The following DAB1 variants were observed in gnomAD, a reference collection of about 807,000 sequenced individuals.
The protein encoded by DAB1 is DAB adaptor protein 1.
A neutral mutation model predicts 64.6 loss-of-function variants in DAB1; 15 were observed. The observed-to-expected ratio is 0.23, with a 90% CI of 0.16 to 0.36. The LOEUF is 0.36. Among genes scored for constraint, DAB1 ranks in the 10% least tolerant of loss-of-function variants. The pLI, the probability that DAB1 is intolerant of heterozygous loss-of-function variation, is 1.00. For synonymous variants in DAB1, 235 were observed against 251.9 expected (o/e 0.93, Z 0.64); for missense variants, 596 against 706.7 (o/e 0.84, Z 1.78).
chr1:57,696,186 A>G (rs1284661733), intron 6 of DAB1, among the ~76,000 whole-genome samples: 1 of 152,144 alleles, frequency 6.6e-6, no homozygotes, highest in African/African-American at 2.4e-5. Context: ...TCTTGAGGTC[A>G]GAGACCTTAT....
At chr1:57,319,340 C>G (rs907265312) in intron 1 of DAB1, among the ~76,000 whole-genome samples, 1 of 152,088 alleles carries the variant, frequency 6.6e-6, no homozygotes, top group Non-Finnish European at 1.5e-5. Context: ...GGGTCAGAGT[C>G]AGCAGCTGCA....
At chr1:57,017,139 C>T (rs921217031) in intron 11 of DAB1, among the ~76,000 whole-genome samples, 1 of 152,126 alleles carries the variant, frequency 6.6e-6, no homozygotes, top group Non-Finnish European at 1.5e-5. Context: ...GCAGGAAACT[C>T]CCATGTGCTT....
At chr1:57,656,506 G>T (rs1025053833) in intron 6 of DAB1, among the ~76,000 whole-genome samples, 5 of 152,182 alleles carry the variant, frequency 3.3e-5, no homozygotes, top group Non-Finnish European at 4.4e-5. Context: ...ACATGACATA[G>T]GTCTTGGACC....
intron 7 of DAB1, among the ~76,000 whole-genome samples, chr1:57,445,115 T>C (rs904652969): frequency 6.6e-6 from 1 of 152,184 alleles, no homozygotes; most frequent in Non-Finnish European, 1.5e-5. Context: ...AAAAATGTTA[T>C]GGGTATAAAA....
At chr1:58,173,724 C>A (rs990195937) in intron 4 of DAB1, among the ~76,000 whole-genome samples, 3 of 152,104 alleles carry the variant, frequency 2.0e-5, no homozygotes, top group African/African-American at 7.2e-5. Flanking sequence ...TCTATGCAGC[C>A]GAAGTATATT....
intron 7 of DAB1, among the ~76,000 whole-genome samples, chr1:57,595,554 G>C (rs1327234599): frequency 6.6e-6 from 1 of 152,062 alleles, no homozygotes; most frequent in Non-Finnish European, 1.5e-5. Flanking sequence ...TGAGCAAGTG[G>C]CTGTCCTAAG....
intron 5 of DAB1, among the ~76,000 whole-genome samples, chr1:58,046,132 T>C (rs975935910): frequency 6.6e-5 from 10 of 152,212 alleles, no homozygotes; most frequent in African/African-American, 2.2e-4. Context: ...CCATGATATA[T>C]GTAAAGTCCT....
intron 1 of DAB1, among the ~76,000 whole-genome samples, chr1:57,338,478 T>C (rs757949925): frequency 1.4e-4 from 21 of 152,208 alleles, no homozygotes; most frequent in Non-Finnish European, 1.9e-4. Flanking sequence ...CATTTGTCCT[T>C]CTTTTGCAGT....
At chr1:57,952,562 G>T (rs1426840807) in intron 5 of DAB1, among the ~76,000 whole-genome samples, 1 of 152,146 alleles carries the variant, frequency 6.6e-6, no homozygotes, top group Non-Finnish European at 1.5e-5. Context: ...GGGTATTTGA[G>T]AGTAATAGGT....
intron 4 of DAB1, among the ~76,000 whole-genome samples, chr1:57,106,119 C>A (rs1655113890): frequency 6.6e-6 from 1 of 152,206 alleles, no homozygotes. Context: ...TAGTTTCTCT[C>A]CCTTTCTCTT....
intron 7 of DAB1, among the ~76,000 whole-genome samples, chr1:57,601,873 A>G (rs980419719): frequency 1.3e-5 from 2 of 152,184 alleles, no homozygotes; most frequent in Non-Finnish European, 2.9e-5. Flanking sequence ...GGGTTTAAAA[A>G]GAGAAAAGAA....
chr1:57,849,604 T>C (rs1653432664), intron 1 of DAB1, among the ~76,000 whole-genome samples: 1 of 152,176 alleles, frequency 6.6e-6, no homozygotes, highest in South Asian at 2.1e-4. Context: ...TGATCCTCTC[T>C]AGGGACAGGG....
intron 4 of DAB1, among the ~76,000 whole-genome samples, chr1:58,156,795 G>A (rs1171261632): frequency 6.6e-6 from 1 of 152,198 alleles, no homozygotes; most frequent in Non-Finnish European, 1.5e-5. Flanking sequence ...AGTTTAGACT[G>A]AGAGGAAAAT....
At chr1:57,663,632 AT>A (rs199946881) in intron 6 of DAB1, among the ~76,000 whole-genome samples, 274 of 148,260 alleles carry the variant, frequency 1.8e-3, no homozygotes, top group African/African-American at 5.4e-3. Context: ...ATATTTTCTT[AT>A]TTTTTTTTTT....
At chr1:58,002,202 C>A (rs1646516737) in intron 5 of DAB1, among the ~76,000 whole-genome samples, 1 of 152,184 alleles carries the variant, frequency 6.6e-6, no homozygotes, top group Non-Finnish European at 1.5e-5. Context: ...ATACACTGAT[C>A]TTGAGCTGTA....
At chr1:57,694,953 AT>A (rs998883974) in intron 6 of DAB1, among the ~76,000 whole-genome samples, 1 of 152,164 alleles carries the variant, frequency 6.6e-6, no homozygotes, top group Non-Finnish European at 1.5e-5. Context: ...CTTAAAAAAA[AT>A]CCCTTAATTC....
chr1:57,098,595 C>T (rs1463986341), intron 4 of DAB1, among the ~76,000 whole-genome samples: 1 of 152,174 alleles, frequency 6.6e-6, no homozygotes, highest in Non-Finnish European at 1.5e-5. Context: ...AATCAAACTG[C>T]ATCATATAAA....
intron 1 of DAB1, among the ~76,000 whole-genome samples, chr1:57,308,310 C>T (rs571872260): frequency 2.0e-5 from 3 of 152,198 alleles, no homozygotes; most frequent in South Asian, 2.1e-4. Context: ...TACCAGTTAA[C>T]GTCCATGCAA....
intron 7 of DAB1, among the ~76,000 whole-genome samples, chr1:57,511,907 C>T (rs1435809149): frequency 2.0e-5 from 3 of 152,164 alleles, no homozygotes; most frequent in Admixed American, 6.5e-5. Flanking sequence ...CACGGCTCTA[C>T]GTTCCCACCT....
Sources: allele counts gnomAD v4.1 joint callset (sites outside exome capture counted in the v4.1 genomes callset), GRCh38; gene constraint gnomAD v4.1.1; transcripts MANE v1.5; gene names NCBI Gene and HGNC (gene_info 2026-07-23, HGNC 2026-07-21).